Variants in STS observed in about 807,000 individuals in gnomAD.
The protein encoded by STS is steroid sulfatase, also known as steryl-sulfatase.
Under a neutral mutation model 26.8 loss-of-function variants are expected in STS, and 7 were observed. The observed-to-expected ratio is 0.26, with a 90% CI of 0.15 to 0.49. The LOEUF (loss-of-function observed/expected upper bound fraction) is 0.49, where lower values mean the gene tolerates loss of function less well. Among genes scored for constraint, STS ranks in the 20% least tolerant of loss-of-function variants. The probability of loss-of-function intolerance (pLI) is 0.98; values close to 1 mark genes in which losing one functional copy is unlikely to be tolerated. For missense variants in STS, 434 were observed against 465.6 expected (o/e 0.93, Z 0.63); for synonymous variants, 199 against 189.4 (o/e 1.05, Z -0.42).
At chrX:7,349,841 C>T in intron 10 of STS, 47 bp from the exon 11 acceptor site, 1 of 1,209,158 alleles carries the variant, frequency 8.3e-7, no homozygotes, top group Non-Finnish European at 1.1e-6. Context: ...GTGGTACATA[C>T]AAGGATGCTT....
At chrX:7,186,027 C>T (rs746539419) in intron 1 of STS, among the ~76,000 whole-genome samples, 5 of 111,968 alleles carry the variant, frequency 4.5e-5, no homozygotes, top group South Asian at 7.6e-4. Flanking sequence ...TGTCTTTCCA[C>T]GAGGTTGGAC....
intron 10 of STS, among the ~76,000 whole-genome samples, chrX:7,349,149 T>C (rs1368039782): frequency 1.1e-4 from 11 of 99,796 alleles, no homozygotes; most frequent in Admixed American, 7.9e-4. Context: ...ACCCAGCTTT[T>C]TTTTTTTTTT....
chrX:7,273,717 G>A (rs1007434737), intron 6 of STS, among the ~76,000 whole-genome samples: 3 of 111,036 alleles, frequency 2.7e-5, no homozygotes, highest in African/African-American at 9.8e-5. Context: ...TTATCTTTGG[G>A]TCTTCATTCT....
intron 3 of STS, among the ~76,000 whole-genome samples, chrX:7,255,811 A>G (rs1263829881): frequency 8.9e-6 from 1 of 112,468 alleles, no homozygotes; most frequent in African/African-American, 3.2e-5. Flanking sequence ...CACTAAATTA[A>G]TAAATGGTCA....
chrX:7,263,063 C>T (rs1416848413), intron 6 of STS, among the ~76,000 whole-genome samples: 4 of 111,874 alleles, frequency 3.6e-5, no homozygotes, highest in African/African-American at 6.5e-5. Flanking sequence ...TGCAGCTGTA[C>T]GTTTGTATCT....
intron 2 of STS, among the ~76,000 whole-genome samples, chrX:7,227,061 T>C (rs1186859966): frequency 5.3e-5 from 6 of 112,494 alleles, no homozygotes; most frequent in African/African-American, 9.7e-5. Context: ...GCTGAATACC[T>C]ATTTATTTGC....
chrX:7,301,708 C>T (rs1481622624), intron 7 of STS, among the ~76,000 whole-genome samples: 2 of 111,412 alleles, frequency 1.8e-5, no homozygotes, highest in Non-Finnish European at 3.8e-5. Flanking sequence ...TGTGTTCCGC[C>T]TCCTCATCCC....
At chrX:7,296,091 C>T (rs1015818194) in intron 7 of STS, among the ~76,000 whole-genome samples, 4 of 111,657 alleles carry the variant, frequency 3.6e-5, no homozygotes, top group East Asian at 5.7e-4. Context: ...TGGCCATTCT[C>T]GACTCACAGT....
chrX:7,196,136 C>G (rs1188829461), intron 2 of STS, among the ~76,000 whole-genome samples: 1 of 111,888 alleles, frequency 8.9e-6, no homozygotes, highest in African/African-American at 3.2e-5. Context: ...TCCTGTGTAT[C>G]TGGGCAATAT....
At chrX:7,317,982 A>G (rs1926793320) in intron 8 of STS, among the ~76,000 whole-genome samples, 2 of 111,903 alleles carry the variant, frequency 1.8e-5, no homozygotes, top group Non-Finnish European at 1.9e-5. Context: ...AGTAAAGCCT[A>G]GCATTTGGCA....
At chrX:7,342,093 G>A (rs1928315235) in intron 10 of STS, among the ~76,000 whole-genome samples, 2 of 112,015 alleles carry the variant, frequency 1.8e-5, no homozygotes, top group Non-Finnish European at 3.8e-5. Context: ...GATTACAGGT[G>A]AGGGCCACTG....
In STS at chrX:7,275,929, CTTTTTT is replaced by C; in HGVS notation, c.807-10_807-5del. On this transcript the variant is annotated splice_polypyrimidine_tract_variant and intron_variant, in intron 6 of 10. Coordinates refer to ENST00000674429, the MANE Select transcript of STS (RefSeq NM_001320752.2). ...TTATCTGTGGTCTTTTTTTTCCTCCCTTTTTTTTTTTTTTTTTGCAGGAACACTGAG... is the reference window on the plus strand; with the variant it reads ...TTATCTGTGGTCTTTTTTTTCCTCCCTTTTTTTTTTTGCAGGAACACTGAG... The C allele has an allele frequency of 1.1e-5, 12 of 1,077,511 alleles. No homozygotes were observed. The highest frequency in any genetic ancestry group is 3.0e-5 in the Admixed American group (1 of 33,686). 88.8% of individuals were successfully genotyped at this position (1,077,511 alleles called of 1,213,427 possible). A position where few individuals can be genotyped will look rare whatever the true frequency, so the allele number is the denominator to read the frequency against.
chrX:7,209,608 A>T (rs1171465669), intron 2 of STS, among the ~76,000 whole-genome samples: 1 of 107,196 alleles, frequency 9.3e-6, no homozygotes, highest in Non-Finnish European at 1.9e-5. Flanking sequence ...TATTTTATAT[A>T]TTTTATTTTT....
rs1040866717 is a variant in STS at position 7,350,352 on chromosome X, C to T, written c.*91C>T. On this transcript the variant is annotated 3_prime_UTR_variant, in exon 11 of 11. Transcript: ENST00000674429. ...GAGTGGCACTGGGGAAACATAACTC[C>T]ATCTACACCTTGGATTTGGACTGAT... The T allele has an allele frequency of 1.0e-4, 113 of 1,079,217 alleles. No individual in the cohort carries two copies. Among genetic ancestry groups the T allele is most frequent in the Non-Finnish European group, 1.4e-4 (110 of 808,992 alleles). 88.9% of individuals were successfully genotyped at this position (1,079,217 alleles called of 1,213,427 possible).
intron 6 of STS, among the ~76,000 whole-genome samples, chrX:7,265,002 T>C (rs1358103151): frequency 9.7e-6 from 1 of 102,765 alleles, no homozygotes; most frequent in African/African-American, 3.6e-5. Context: ...GCCCTAATAT[T>C]TTCTACCCCA....
At chrX:7,177,395 A>T (rs1933592399) in intron 1 of STS, among the ~76,000 whole-genome samples, 1 of 60,995 alleles carries the variant, frequency 1.6e-5, no homozygotes, top group African/African-American at 6.8e-5. Context: ...GTGAACATGA[A>T]CTTTTTCTGT....
chrX:7,271,200 T>C (rs913572871), intron 6 of STS, among the ~76,000 whole-genome samples: 1 of 110,981 alleles, frequency 9.0e-6, no homozygotes, highest in African/African-American at 3.3e-5. Context: ...TCTATTTTCC[T>C]TAACTTTAAA....
intron 2 of STS, among the ~76,000 whole-genome samples, chrX:7,206,125 C>T (rs1024748682): frequency 9.0e-6 from 1 of 111,653 alleles, no homozygotes. Flanking sequence ...TTTTGGGCCC[C>T]CAGGCCTGTT....
chrX:7,159,036 C>T (rs1181068435), intron 1 of STS, among the ~76,000 whole-genome samples: 1 of 111,432 alleles, frequency 9.0e-6, no homozygotes, highest in Admixed American at 9.6e-5. Context: ...TATTTGAGTG[C>T]CTACTGAGAG....
Sources: gnomAD v4.1 joint callset for allele counts (sites outside exome capture counted in the v4.1 genomes callset) on GRCh38, gnomAD v4.1.1 for gene constraint, MANE v1.5 for transcripts, NCBI Gene and HGNC (gene_info 2026-07-23, HGNC 2026-07-21) for gene names.